The following FGF14 variants were observed in gnomAD, a reference collection of about 807,000 sequenced individuals.
FGF14 encodes fibroblast growth factor homologous factor 4.
Under a neutral mutation model 25.5 loss-of-function variants are expected in FGF14, and 5 were observed. The ratio of observed to expected loss-of-function variants is 0.20; its 90% CI spans 0.10 to 0.41. The LOEUF (loss-of-function observed/expected upper bound fraction) is 0.41, where lower values mean the gene tolerates loss of function less well. Ranked by LOEUF, FGF14 falls within the 10% of genes least tolerant of loss-of-function variation. FGF14 has a pLI of 1.00. For synonymous variants in FGF14, 138 were observed against 118.3 expected, an observed-to-expected ratio of 1.17 and a Z score of -1.08; for missense variants, 222 against 320.1, an observed-to-expected ratio of 0.69 and a Z score of 2.34.
At chr13:101,804,034 T>C (rs1374934222) in intron 3 of FGF14, among the ~76,000 whole-genome samples, 1 of 151,462 alleles carries the variant, frequency 6.6e-6, no homozygotes, top group African/African-American at 2.4e-5. Context: ...CCACAATATT[T>C]AAAGATTACT....
chr13:101,836,402 T>C (rs77982896), intron 3 of FGF14, among the ~76,000 whole-genome samples: 6,137 of 152,118 alleles, frequency 0.04, 354 homozygotes, highest in African/African-American at 0.14. Context: ...ATTTGGAATT[T>C]AGTGCTATAC....
chr13:101,883,176 G>C (rs1344392259), intron 1 of FGF14, among the ~76,000 whole-genome samples: 4 of 152,184 alleles, frequency 2.6e-5, no homozygotes, highest in African/African-American at 9.6e-5. Flanking sequence ...GTTGCAACCA[G>C]TTATATGCAT....
At chr13:101,795,241 C>A (rs1383232602) in intron 3 of FGF14, among the ~76,000 whole-genome samples, 5 of 151,998 alleles carry the variant, frequency 3.3e-5, no homozygotes, top group Admixed American at 3.3e-4. Flanking sequence ...AGGGGACAGG[C>A]CAGATTTAAC....
Position 101,721,732 on chromosome 13 carries a change from T to TGAG in FGF14, c.*1096_*1098dup. On this transcript the variant is annotated 3_prime_UTR_variant, in exon 5 of 5. Transcript: ENST00000376143. ...AACAGCCGTCTTGCCCATGCTCTGC[T>TGAG]GAGTATGAGGGGAACGCAGCCAGAA... The TGAG allele has an allele frequency of 6.6e-6, 1 of 152,250 alleles. No individual in the cohort carries two copies. The highest frequency in any genetic ancestry group is 2.1e-4 in the South Asian group (1 of 4,826). 9.4% of individuals were successfully genotyped at this position (152,250 alleles called of 1,614,324 possible). A position where few individuals can be genotyped will look rare whatever the true frequency, so the allele number is the denominator to read the frequency against.
At chr13:102,232,934 C>T (rs2051147422) in intron 1 of FGF14, among the ~76,000 whole-genome samples, 1 of 152,088 alleles carries the variant, frequency 6.6e-6, no homozygotes, top group African/African-American at 2.4e-5. Flanking sequence ...AAATTATATG[C>T]TGGTCCAAAA....
chr13:102,072,533 A>C (rs2043194708), intron 1 of FGF14, among the ~76,000 whole-genome samples: 1 of 152,214 alleles, frequency 6.6e-6, no homozygotes, highest in Non-Finnish European at 1.5e-5. Flanking sequence ...TAACAAATTT[A>C]ATGATAGCCC....
At chr13:101,909,145 T>A (rs570993630) in intron 1 of FGF14, among the ~76,000 whole-genome samples, 44 of 152,102 alleles carry the variant, frequency 2.9e-4, no homozygotes, top group Non-Finnish European at 5.4e-4. Context: ...ACCCTAGAAG[T>A]AAACCTAGGC....
In FGF14 at chr13:102,001,164, T is replaced by C. The variant is rs1303746691; in HGVS notation, c.209-125868A>G. ...AGGAGCAGAACAATTAAAGAATAAATTGAAAATGTTTAAAAGGATTCATAG... is the reference window on the plus strand; with the variant it reads ...AGGAGCAGAACAATTAAAGAATAAACTGAAAATGTTTAAAAGGATTCATAG... On this transcript the variant is annotated intron_variant, in intron 1 of 4. Transcript: ENST00000376131. 2.6e-5 allele frequency among the ~76,000 whole-genome samples: 4 copies of C among 152,172 alleles called. No individual in the cohort carries two copies. In the South Asian group the frequency reaches 8.3e-4, roughly 32 times the overall value.
In FGF14 at chr13:102,276,678, C is replaced by T. The variant is rs1171053376; in HGVS notation, c.208+124793G>A. Among the ~76,000 whole-genome samples, 3 of 152,012 alleles carry T rather than the reference C, an allele frequency of 2.0e-5. No homozygotes were observed. In the East Asian group the frequency reaches 5.8e-4, roughly 29 times the overall value. ...TTTCTGAAACAGTATAAACAAACTA[C>T]AAAGAGATGTGTGTTTGAGCCCTAA... On this transcript the variant is annotated intron_variant, in intron 1 of 4. Transcript: ENST00000376131.
At chr13:102,278,139 G>C (rs1468708139) in intron 1 of FGF14, among the ~76,000 whole-genome samples, 1 of 152,150 alleles carries the variant, frequency 6.6e-6, no homozygotes, top group African/African-American at 2.4e-5. Context: ...AACACAAAAT[G>C]TAGCTAAAAT....
At chr13:102,300,912 TGCACACAGAC>T (rs2055005495) in intron 1 of FGF14, among the ~76,000 whole-genome samples, 1 of 126,222 alleles carries the variant, frequency 7.9e-6, no homozygotes, top group African/African-American at 3.1e-5. Context: ...CTTACCAATA[TGCACACAGAC>T]ACACACACAC....
intron 1 of FGF14, among the ~76,000 whole-genome samples, chr13:102,347,495 G>A (rs577034692): frequency 1.3e-5 from 2 of 152,252 alleles, no homozygotes; most frequent in African/African-American, 4.8e-5. Context: ...GGCCAGGAGG[G>A]GGCTGAGTTT....
intron 1 of FGF14, among the ~76,000 whole-genome samples, chr13:101,925,548 G>A (rs1271654000): frequency 6.6e-6 from 1 of 152,196 alleles, no homozygotes; most frequent in Non-Finnish European, 1.5e-5. Context: ...CTCTGATCTT[G>A]TAATCTACTT....
At chr13:102,314,767 A>G (rs1263051844) in intron 1 of FGF14, among the ~76,000 whole-genome samples, 1 of 152,138 alleles carries the variant, frequency 6.6e-6, no homozygotes, top group Non-Finnish European at 1.5e-5. Flanking sequence ...CGTCTTGTGT[A>G]TTAATTCAGG....
At chr13:102,290,546 T>C (rs753907433) in intron 1 of FGF14, among the ~76,000 whole-genome samples, 1 of 152,148 alleles carries the variant, frequency 6.6e-6, no homozygotes, top group Non-Finnish European at 1.5e-5. Flanking sequence ...TCTCCTAAGA[T>C]TGAGAGAAAC....
chr13:102,187,569 T>G (rs1386888696), intron 1 of FGF14, among the ~76,000 whole-genome samples: 1 of 152,202 alleles, frequency 6.6e-6, no homozygotes, highest in Non-Finnish European at 1.5e-5. Context: ...TCCCCATCAT[T>G]GCCCTTCATC....
At chr13:101,787,360 T>G (rs1471515941) in intron 3 of FGF14, among the ~76,000 whole-genome samples, 1 of 152,236 alleles carries the variant, frequency 6.6e-6, no homozygotes, top group Non-Finnish European at 1.5e-5. Flanking sequence ...TATGAATGAA[T>G]GGATGAACCG....
intron 1 of FGF14, among the ~76,000 whole-genome samples, chr13:102,126,979 CTT>C (rs893521010): frequency 2.6e-5 from 4 of 152,146 alleles, no homozygotes; most frequent in Non-Finnish European, 4.4e-5. Flanking sequence ...GAACAATTTG[CTT>C]TGAGGTAACA....
chr13:102,091,225 T>G (rs951029889), intron 1 of FGF14, among the ~76,000 whole-genome samples: 1 of 152,176 alleles, frequency 6.6e-6, no homozygotes, highest in African/African-American at 2.4e-5. Flanking sequence ...TATTTACTCT[T>G]TGTCTCTCGG....
Sources: gnomAD v4.1 joint callset for allele counts (sites outside exome capture counted in the v4.1 genomes callset) on GRCh38, gnomAD v4.1.1 for gene constraint, MANE v1.5 for transcripts, NCBI Gene and HGNC (gene_info 2026-07-23, HGNC 2026-07-21) for gene names.